RAPGEF2: variants seen among roughly 807,000 people sequenced by gnomAD.
RAPGEF2 encodes PDZ domain containing guanine nucleotide exchange factor (GEF) 1.
Under a neutral mutation model 186.7 loss-of-function variants are expected in RAPGEF2, and 54 were observed. The observed-to-expected ratio is 0.29, with a 90% CI of 0.23 to 0.36. RAPGEF2 has a LOEUF of 0.36. RAPGEF2 is among the 10% of genes least tolerant of loss of function. The pLI is 1.00. For missense variants in RAPGEF2, 1,532 were observed against 2,045.0 expected, an observed-to-expected ratio of 0.75 and a Z score of 4.84; for synonymous variants, 712 against 705.9, an observed-to-expected ratio of 1.01 and a Z score of -0.14.
At chr4:159,130,860 C>T (rs1219848658) in intron 1 of RAPGEF2, among the ~76,000 whole-genome samples, 3 of 151,890 alleles carry the variant, frequency 2.0e-5, no homozygotes, top group Non-Finnish European at 4.4e-5. Context: ...TAGGCGGGCA[C>T]CACCACGTCT....
chr4:159,232,278 C>T lies in RAPGEF2; in HGVS notation c.282-6531C>T, dbSNP rs151268030. The stretch of plus-strand genomic sequence containing the variant: ...CCAGATGGAAACCCCGAAACCATTA[C>T]GCTTTCCAAACTGCTTTCTCCAACT... On this transcript the variant is annotated intron_variant, in intron 4 of 29. Coordinates refer to ENST00000691494, the MANE Select transcript of RAPGEF2 (RefSeq NM_001394067.2). Among the ~76,000 whole-genome samples, 19 of 152,332 alleles carry T rather than the reference C, an allele frequency of 1.2e-4. No homozygotes were observed. The East Asian group carries it at 2.3e-3, about 19-fold the overall frequency.
At chr4:159,221,795 A>G (rs150901557) in intron 4 of RAPGEF2, among the ~76,000 whole-genome samples, 16 of 152,328 alleles carry the variant, frequency 1.1e-4, no homozygotes, top group African/African-American at 3.6e-4. Context: ...TGACATATAT[A>G]AGGCAAAGGC....
intron 1 of RAPGEF2, among the ~76,000 whole-genome samples, chr4:159,153,776 T>C (rs1743818075): frequency 6.6e-6 from 1 of 152,196 alleles, no homozygotes; most frequent in African/African-American, 2.4e-5. Context: ...GAAAGTTATT[T>C]GTAGAATTCT....
intron 23 of RAPGEF2, 71 bp downstream of exon 23, chr4:159,344,130 T>A: frequency 6.8e-7 from 1 of 1,466,460 alleles, no homozygotes; most frequent in African/African-American, 1.4e-5. Flanking sequence ...TCTTACCTGC[T>A]GTATTTTCTG....
chr4:159,215,352 T>A (rs1447187573), intron 4 of RAPGEF2, among the ~76,000 whole-genome samples: 1 of 150,204 alleles, frequency 6.7e-6, no homozygotes, highest in African/African-American at 2.5e-5. Context: ...TGAAAAATAT[T>A]TTGGGGGAAA....
chr4:159,134,950 A>G (rs1741561485), intron 1 of RAPGEF2, among the ~76,000 whole-genome samples: 1 of 152,180 alleles, frequency 6.6e-6, no homozygotes, highest in Non-Finnish European at 1.5e-5. Context: ...AATAGTTTAT[A>G]TGTGGTCTTT....
At chr4:159,182,182 A>G (rs1172625295) in intron 1 of RAPGEF2, among the ~76,000 whole-genome samples, 1 of 152,208 alleles carries the variant, frequency 6.6e-6, no homozygotes, top group Non-Finnish European at 1.5e-5. Flanking sequence ...ATATCGGAGT[A>G]CAGATGGATA....
chr4:159,318,501 T>C (rs1333640823), intron 9 of RAPGEF2, among the ~76,000 whole-genome samples: 1 of 152,210 alleles, frequency 6.6e-6, no homozygotes, highest in Non-Finnish European at 1.5e-5. Flanking sequence ...CAAATGAAAT[T>C]GCTAATATTT....
intron 28 of RAPGEF2, among the ~76,000 whole-genome samples, chr4:159,355,453 TACCAAGC>T (rs1731829775): frequency 6.6e-6 from 1 of 152,200 alleles, no homozygotes; most frequent in African/African-American, 2.4e-5. Context: ...AGGGAACTTG[TACCAAGC>T]ACAAACAGGT....
At chr4:159,126,928 C>T (rs908212875) in intron 1 of RAPGEF2, among the ~76,000 whole-genome samples, 2 of 152,234 alleles carry the variant, frequency 1.3e-5, no homozygotes, top group Non-Finnish European at 2.9e-5. Flanking sequence ...TAATCTCACA[C>T]TATCTTCTGG....
intron 25 of RAPGEF2, among the ~76,000 whole-genome samples, chr4:159,348,189 C>T (rs996244633): frequency 6.7e-6 from 1 of 150,144 alleles, no homozygotes; most frequent in African/African-American, 2.5e-5. Flanking sequence ...TCACTGCACT[C>T]CAGCCTGGGC....
intron 7 of RAPGEF2, among the ~76,000 whole-genome samples, chr4:159,248,364 T>G (rs1754902886): frequency 6.6e-6 from 1 of 152,138 alleles, no homozygotes; most frequent in Non-Finnish European, 1.5e-5. Flanking sequence ...TTACTAAAAT[T>G]TATTGTTTGG....
chr4:159,295,476 T>C lies in RAPGEF2; in HGVS notation c.544-8866T>C, dbSNP rs192634291. ...TCACTTGAAATCCATCATAAAACTGTTTATTAACAGGCAACAGGACATTTC... is the reference window on the plus strand; with the variant it reads ...TCACTTGAAATCCATCATAAAACTGCTTATTAACAGGCAACAGGACATTTC... On this transcript the variant is annotated intron_variant, in intron 7 of 29. Transcript: ENST00000691494. Among the ~76,000 whole-genome samples the C allele has an allele frequency of 4.0e-3, 602 of 152,224 alleles. 5 individuals carry two copies. The highest frequency in any genetic ancestry group is 0.017 in the Middle Eastern group (5 of 294).
intron 7 of RAPGEF2, among the ~76,000 whole-genome samples, chr4:159,296,336 T>G (rs976567098): frequency 1.3e-5 from 2 of 152,216 alleles, no homozygotes; most frequent in East Asian, 3.8e-4. Flanking sequence ...GATTAAAGTT[T>G]CATGAGTGAG....
At chr4:159,307,199 A>G (rs1043396406) in intron 8 of RAPGEF2, among the ~76,000 whole-genome samples, 4 of 152,196 alleles carry the variant, frequency 2.6e-5, no homozygotes, top group African/African-American at 9.6e-5. Flanking sequence ...CAATATAGTT[A>G]TGAAGGATCA....
chr4:159,266,747 A>G (rs1470313755), intron 7 of RAPGEF2: 3 of 158,718 alleles, frequency 1.9e-5, no homozygotes, highest in African/African-American at 7.2e-5. Flanking sequence ...CTTGTTTACT[A>G]TAGCACAGCA....
chr4:159,235,924 C>G (rs548396784), intron 4 of RAPGEF2, among the ~76,000 whole-genome samples: 2 of 152,308 alleles, frequency 1.3e-5, no homozygotes, highest in African/African-American at 4.8e-5. Flanking sequence ...AGCACATCAT[C>G]TCTGTGAGAG....
At chr4:159,194,025 G>A (rs1748379110) in intron 3 of RAPGEF2, among the ~76,000 whole-genome samples, 1 of 152,320 alleles carries the variant, frequency 6.6e-6, no homozygotes, top group African/African-American at 2.4e-5. Flanking sequence ...CAAAATAATT[G>A]TGAGAATGTG....
Position 159,195,808 on chromosome 4 carries a change from T to C in RAPGEF2, c.197+2552T>C, listed in dbSNP as rs374017315. 2.6e-5 allele frequency among the ~76,000 whole-genome samples: 4 copies of C among 151,168 alleles called. No homozygotes were observed. In the East Asian group the frequency reaches 7.8e-4, roughly 29 times the overall value. ...CCAGCAGCTCATGCTACATTATGACTGCCTAACAATTATTATTGATTACTT... is the reference window on the plus strand; with the variant it reads ...CCAGCAGCTCATGCTACATTATGACCGCCTAACAATTATTATTGATTACTT... On this transcript the variant is annotated intron_variant, in intron 3 of 29. Transcript: ENST00000691494.
Sources: allele counts gnomAD v4.1 joint callset (sites outside exome capture counted in the v4.1 genomes callset), GRCh38; gene constraint gnomAD v4.1.1; transcripts MANE v1.5; gene names NCBI Gene and HGNC (gene_info 2026-07-23, HGNC 2026-07-21).